The following ZRANB3 variants were observed in gnomAD, a reference collection of about 807,000 sequenced individuals.
ZRANB3 encodes the protein DNA annealing helicase and endonuclease ZRANB3.
A neutral mutation model predicts 133.8 loss-of-function variants in ZRANB3; 125 were observed. The observed-to-expected ratio is 0.93, with a 90% CI of 0.81 to 1.08. ZRANB3 has a LOEUF of 1.08. ZRANB3 is among the 50% of genes least tolerant of loss of function. The probability of loss-of-function intolerance (pLI) is 0.00; values close to 1 mark genes in which losing one functional copy is unlikely to be tolerated. For synonymous variants in ZRANB3, 387 were observed against 432.7 expected, an observed-to-expected ratio of 0.89 and a Z score of 1.31; for missense variants, 1,229 against 1,275.5, an observed-to-expected ratio of 0.96 and a Z score of 0.56.
At chr2:135,314,661 G>T (rs1429371078) in intron 7 of ZRANB3, among the ~76,000 whole-genome samples, 1 of 152,094 alleles carries the variant, frequency 6.6e-6, no homozygotes, top group African/African-American at 2.4e-5. Context: ...TTTTCTAGAA[G>T]AGAGTTATTC....
At chr2:135,237,869 C>T (rs2105078443) in intron 12 of ZRANB3, among the ~76,000 whole-genome samples, 1 of 152,114 alleles carries the variant, frequency 6.6e-6, no homozygotes, top group Non-Finnish European at 1.5e-5. Context: ...TGCAGCACAC[C>T]AACATGGCAC....
At chr2:135,414,752 C>A (rs998956274) in intron 2 of ZRANB3, among the ~76,000 whole-genome samples, 20 of 152,072 alleles carry the variant, frequency 1.3e-4, no homozygotes, top group South Asian at 2.1e-4. Context: ...ATAACAAACT[C>A]TCTCTCAGAC....
intron 3 of ZRANB3, among the ~76,000 whole-genome samples, chr2:135,376,536 A>T (rs865804113): frequency 6.6e-4 from 100 of 152,252 alleles, no homozygotes; most frequent in African/African-American, 2.0e-3. Flanking sequence ...AAGCTACAAA[A>T]AGACACGGAT....
At chr2:135,388,304 C>T (rs1004878675) in intron 3 of ZRANB3, among the ~76,000 whole-genome samples, 13 of 152,032 alleles carry the variant, frequency 8.6e-5, no homozygotes, top group African/African-American at 3.1e-4. Context: ...ATGGTAGCTA[C>T]GATTCAAGAT....
intron 12 of ZRANB3, among the ~76,000 whole-genome samples, chr2:135,260,317 C>G (rs910800860): frequency 2.6e-5 from 4 of 152,044 alleles, no homozygotes; most frequent in African/African-American, 9.7e-5. Context: ...GGCAGTGACC[C>G]TGGTGATGGA....
intron 2 of ZRANB3, among the ~76,000 whole-genome samples, chr2:135,402,445 C>A (rs1256996203): frequency 6.6e-6 from 1 of 151,992 alleles, no homozygotes; most frequent in African/African-American, 2.4e-5. Context: ...CAGGAGCCCA[C>A]CACCACGTCC....
At chr2:135,463,144 A>G (rs1391789526) in intron 2 of ZRANB3, among the ~76,000 whole-genome samples, 1 of 152,226 alleles carries the variant, frequency 6.6e-6, no homozygotes, top group East Asian at 1.9e-4. Flanking sequence ...CCTGGGGAAC[A>G]CAGTGAGACT....
chr2:135,218,911 GGTAATTAATAGGCACCA>G (rs1694423783), intron 16 of ZRANB3, among the ~76,000 whole-genome samples, 149 bp downstream of exon 16: 1 of 152,006 alleles, frequency 6.6e-6, no homozygotes, highest in African/African-American at 2.4e-5. Flanking sequence ...CTTAGCACTG[GGTAATTAATAGGCACCA>G]CCTAGAATGA....
chr2:135,528,592 C>A (rs1382062578), intron 1 of ZRANB3, among the ~76,000 whole-genome samples: 1 of 151,940 alleles, frequency 6.6e-6, no homozygotes, highest in East Asian at 1.9e-4. Flanking sequence ...AAATGATGGC[C>A]ATCATTACTA....
chr2:135,277,352 C>G (rs530010431), intron 8 of ZRANB3, among the ~76,000 whole-genome samples: 1 of 152,134 alleles, frequency 6.6e-6, no homozygotes, highest in Non-Finnish European at 1.5e-5. Flanking sequence ...TGTATACATG[C>G]GCAGAGCTTC....
At chr2:135,417,406 A>G (rs1688636463) in intron 2 of ZRANB3, among the ~76,000 whole-genome samples, 1 of 152,032 alleles carries the variant, frequency 6.6e-6, no homozygotes, top group Non-Finnish European at 1.5e-5. Context: ...CAAAACCACA[A>G]TGAGATACCA....
chr2:135,486,540 A>T (rs1220138435), intron 2 of ZRANB3, among the ~76,000 whole-genome samples: 1 of 148,230 alleles, frequency 6.7e-6, no homozygotes, highest in Non-Finnish European at 1.5e-5. Context: ...ATATAAGAGG[A>T]GTCTTGCTCT....
At chr2:135,399,570 C>T (rs1687648036) in intron 2 of ZRANB3, among the ~76,000 whole-genome samples, 1 of 152,120 alleles carries the variant, frequency 6.6e-6, no homozygotes, top group African/African-American at 2.4e-5. Context: ...AAGAGAAGGG[C>T]ATACAAGGTT....
At chr2:135,489,313 T>C (rs368829394) in intron 2 of ZRANB3, among the ~76,000 whole-genome samples, 1 of 50,930 alleles carries the variant, frequency 2.0e-5, no homozygotes, top group African/African-American at 7.9e-5. Context: ...TGTTGTGGGG[T>C]GGGGGGAGGG....
intron 1 of ZRANB3, among the ~76,000 whole-genome samples, chr2:135,525,333 G>A (rs1287688973): frequency 6.6e-6 from 1 of 152,130 alleles, no homozygotes; most frequent in Non-Finnish European, 1.5e-5. Context: ...CATGGGAAAT[G>A]GGTGCTCTCA....
At chr2:135,360,838 C>T (rs891159505) in intron 3 of ZRANB3, among the ~76,000 whole-genome samples, 1 of 152,238 alleles carries the variant, frequency 6.6e-6, no homozygotes, top group African/African-American at 2.4e-5. Flanking sequence ...CTGATCACAG[C>T]TCACTGCAAC....
intron 12 of ZRANB3, among the ~76,000 whole-genome samples, chr2:135,264,657 A>G (rs993842811): frequency 6.6e-6 from 1 of 151,904 alleles, no homozygotes; most frequent in Admixed American, 6.6e-5. Context: ...TATCTTTACA[A>G]TTTGCCTTAT....
At chr2:135,204,878 C>T (rs1693796373) in intron 19 of ZRANB3, among the ~76,000 whole-genome samples, 1 of 151,320 alleles carries the variant, frequency 6.6e-6, no homozygotes, top group African/African-American at 2.4e-5. Context: ...TTTTAGATGT[C>T]TATTATATTA....
chr2:135,209,107 C>T (rs548680051), intron 17 of ZRANB3, 129 bp from the exon 18 acceptor site: 4 of 775,706 alleles, frequency 5.2e-6, no homozygotes, highest in Admixed American at 3.0e-5. Context: ...TGTGCTGAAA[C>T]TCAAGTTAGA....
Sources: gnomAD v4.1 joint callset for allele counts (sites outside exome capture counted in the v4.1 genomes callset) on GRCh38, gnomAD v4.1.1 for gene constraint, MANE v1.5 for transcripts, NCBI Gene and HGNC (gene_info 2026-07-23, HGNC 2026-07-21) for gene names.